Variants in BICC1 observed in about 807,000 individuals in gnomAD.
The protein encoded by BICC1 is protein bicaudal C homolog 1.
In BICC1, 43 loss-of-function variants were observed where a neutral mutation model predicts 111.0. The ratio of observed to expected loss-of-function variants is 0.39; its 90% confidence interval spans 0.30 to 0.50. The LOEUF is 0.50. Ranked by LOEUF, BICC1 falls within the 20% of genes least tolerant of loss-of-function variation. The pLI is 0.88. For missense variants in BICC1, 1,091 were observed against 1,203.2 expected (o/e 0.91, Z 1.38); for synonymous variants, 467 against 434.4 (o/e 1.07, Z -0.93).
intron 3 of BICC1, among the ~76,000 whole-genome samples, chr10:58,702,832 T>A (rs1840278550): frequency 6.6e-6 from 1 of 152,242 alleles, no homozygotes; most frequent in Admixed American, 6.5e-5. Context: ...AGAATGCAGA[T>A]GCATGTAGTT....
intron 17 of BICC1, among the ~76,000 whole-genome samples, chr10:58,813,297 C>T (rs1843970678): frequency 6.6e-6 from 1 of 152,062 alleles, no homozygotes; most frequent in Admixed American, 6.6e-5. Flanking sequence ...AGATAAATTA[C>T]TCCAGGTATG....
chr10:58,696,178 T>C (rs1840059371), intron 2 of BICC1, among the ~76,000 whole-genome samples: 1 of 152,106 alleles, frequency 6.6e-6, no homozygotes, highest in East Asian at 1.9e-4. Flanking sequence ...AAAGAAGTAC[T>C]TAAGTCTTGG....
At chr10:58,661,433 A>C (rs1255983192) in intron 2 of BICC1, among the ~76,000 whole-genome samples, 3 of 152,176 alleles carry the variant, frequency 2.0e-5, no homozygotes, top group African/African-American at 4.8e-5. Flanking sequence ...GATTATAAAA[A>C]TCAAAGCACC....
chr10:58,730,838 G>T (rs1841267732), intron 3 of BICC1, among the ~76,000 whole-genome samples: 4 of 152,066 alleles, frequency 2.6e-5, no homozygotes, highest in Admixed American at 2.6e-4. Context: ...AGGCTGTGCG[G>T]GGTTGCAGGG....
At chr10:58,603,589 T>C (rs898103407) in intron 1 of BICC1, among the ~76,000 whole-genome samples, 1 of 152,124 alleles carries the variant, frequency 6.6e-6, no homozygotes, top group Non-Finnish European at 1.5e-5. Flanking sequence ...GTGTGTCCAA[T>C]GAAAAAATAT....
At chr10:58,687,175 CTGCAGAACAGCAAATAT>C (rs1300801631) in intron 2 of BICC1, among the ~76,000 whole-genome samples, 5 of 152,244 alleles carry the variant, frequency 3.3e-5, no homozygotes, top group African/African-American at 1.2e-4. Context: ...ACCAGCGGAG[CTGCAGAACAGCAAATAT>C]TGCTGAACAG....
chr10:58,811,167 G>A (rs4948548), intron 17 of BICC1, among the ~76,000 whole-genome samples: 107,570 of 152,000 alleles, frequency 0.71, 38,321 homozygotes, highest in Admixed American at 0.74. Flanking sequence ...TATTATATTG[G>A]GATACCAAAA....
intron 1 of BICC1, among the ~76,000 whole-genome samples, chr10:58,613,025 C>A (rs1845483782): frequency 6.6e-6 from 1 of 152,080 alleles, no homozygotes; most frequent in Non-Finnish European, 1.5e-5. Context: ...TGGCTTTTGC[C>A]ATCCCATATT....
intron 2 of BICC1, among the ~76,000 whole-genome samples, chr10:58,691,204 T>TA (rs1839898400): frequency 6.6e-6 from 1 of 152,192 alleles, no homozygotes; most frequent in Non-Finnish European, 1.5e-5. Context: ...ACAGTGTTGT[T>TA]ATCTCCAGGC....
At chr10:58,767,849 C>CA (rs1842501180) in intron 3 of BICC1, among the ~76,000 whole-genome samples, 1 of 151,728 alleles carries the variant, frequency 6.6e-6, no homozygotes, top group Non-Finnish European at 1.5e-5. Context: ...AGAGAGTCAA[C>CA]AGCAGATTCG....
intron 14 of BICC1, among the ~76,000 whole-genome samples, chr10:58,802,392 C>A (rs1192109647): frequency 7.9e-5 from 12 of 152,180 alleles, no homozygotes; most frequent in Non-Finnish European, 1.8e-4. Context: ...ATAAACAAAA[C>A]AGTACTTGAT....
At chr10:58,707,799 C>A (rs576893911) in intron 3 of BICC1, among the ~76,000 whole-genome samples, 1 of 151,986 alleles carries the variant, frequency 6.6e-6, no homozygotes, top group African/African-American at 2.4e-5. Context: ...CTGGGTTAAG[C>A]GATTGTCCTG....
rs1269531672 is a variant in BICC1, at chr10:58,798,536, C to T, written c.1504C>T (p.Leu502Phe). 2 of 1,609,480 alleles carry T rather than the reference C, an allele frequency of 1.2e-6. No individual in the cohort carries two copies. The highest frequency in any genetic ancestry group is 1.7e-6 in the Non-Finnish European group (2 of 1,178,344). The change falls in exon 11 of 21, where the codon CTT becomes TTT. Residue 502 changes from leucine to phenylalanine, a missense_variant. Transcript: ENST00000373886. ...TPSPTLWAPP[L>F]ANTSSATGFS... The stretch of plus-strand genomic sequence containing the variant: ...CAGCCCCACATTATGGGCACCCCCA[C>T]TTGCTAATACTTCAAGTGCCACAGG...
intron 1 of BICC1, among the ~76,000 whole-genome samples, chr10:58,596,353 A>G (rs536128500): frequency 6.6e-6 from 1 of 152,348 alleles, no homozygotes; most frequent in Admixed American, 6.5e-5. Context: ...CCTTCAACAA[A>G]TTCAGCACCC....
intron 2 of BICC1, among the ~76,000 whole-genome samples, chr10:58,692,500 A>G (rs1038183125): frequency 1.1e-4 from 17 of 152,350 alleles, no homozygotes; most frequent in Non-Finnish European, 2.1e-4. Context: ...CAAAATATTT[A>G]GTCTGTTTTA....
intron 1 of BICC1, among the ~76,000 whole-genome samples, chr10:58,606,820 A>AT (rs1415181237): frequency 2.0e-5 from 3 of 151,880 alleles, no homozygotes; most frequent in African/African-American, 7.3e-5. Context: ...GGTTCTGGAC[A>AT]TTTTCTAGTA....
chr10:58,556,856 T>G (rs754005160), intron 1 of BICC1, among the ~76,000 whole-genome samples: 8 of 152,074 alleles, frequency 5.3e-5, no homozygotes, highest in Non-Finnish European at 1.0e-4. Flanking sequence ...ATGTTTTTCT[T>G]GCATTACTAT....
At chr10:58,536,139 T>G (rs1842820687) in intron 1 of BICC1, among the ~76,000 whole-genome samples, 1 of 151,634 alleles carries the variant, frequency 6.6e-6, no homozygotes, top group Non-Finnish European at 1.5e-5. Flanking sequence ...TAGAGGGCTT[T>G]CACTCCACTG....
chr10:58,653,287 A>G (rs1838509815), intron 2 of BICC1, among the ~76,000 whole-genome samples: 4 of 152,154 alleles, frequency 2.6e-5, no homozygotes, highest in African/African-American at 9.7e-5. Flanking sequence ...AACCAGAAAT[A>G]GTTTTGGGAT....
Sources: gnomAD v4.1 joint callset for allele counts (sites outside exome capture counted in the v4.1 genomes callset) on GRCh38, gnomAD v4.1.1 for gene constraint, MANE v1.5 for transcripts, NCBI Gene and HGNC (gene_info 2026-07-23, HGNC 2026-07-21) for gene names.